Variants in PPP2R3A observed in about 807,000 individuals in gnomAD.
PPP2R3A encodes protein phosphatase 2 regulatory subunit B''alpha.
Under a neutral mutation model 106.9 loss-of-function variants are expected in PPP2R3A, and 80 were observed. The ratio of observed to expected loss-of-function variants is 0.75; its 90% CI spans 0.62 to 0.90. The LOEUF is 0.90. Ranked by LOEUF, PPP2R3A falls within the 40% of genes least tolerant of loss-of-function variation. The probability of loss-of-function intolerance (pLI) is 0.00; values close to 1 mark genes in which losing one functional copy is unlikely to be tolerated. For missense variants in PPP2R3A, 1,386 were observed against 1,350.4 expected (o/e 1.03, Z -0.41); for synonymous variants, 483 against 468.3 (o/e 1.03, Z -0.41).
intron 8 of PPP2R3A, among the ~76,000 whole-genome samples, chr3:136,086,365 C>G (rs1362018024): frequency 1.3e-5 from 2 of 152,004 alleles, no homozygotes; most frequent in East Asian, 3.9e-4. Context: ...GCCTGTAATC[C>G]TAGCTACTCG....
At chr3:136,119,623 G>A (rs933183310) in intron 13 of PPP2R3A, among the ~76,000 whole-genome samples, 33 of 152,116 alleles carry the variant, frequency 2.2e-4, no homozygotes, top group Non-Finnish European at 1.2e-4. Context: ...CATCATCACT[G>A]GTCATTAGAG....
At chr3:136,093,715 C>G (rs1214144188) in intron 10 of PPP2R3A, among the ~76,000 whole-genome samples, 1 of 152,152 alleles carries the variant, frequency 6.6e-6, no homozygotes, top group Non-Finnish European at 1.5e-5. Flanking sequence ...CCACTTCACA[C>G]TAGGATAGTT....
At chr3:136,031,976 T>C (rs2107831648) in intron 3 of PPP2R3A, among the ~76,000 whole-genome samples, 1 of 152,368 alleles carries the variant, frequency 6.6e-6, no homozygotes, top group East Asian at 1.9e-4. Flanking sequence ...AGTCTTGCGT[T>C]GGCCATGCGG....
At chr3:135,967,376 G>C (rs1242365598) in intron 1 of PPP2R3A, among the ~76,000 whole-genome samples, 1 of 152,168 alleles carries the variant, frequency 6.6e-6, no homozygotes, top group African/African-American at 2.4e-5. Context: ...AGATTTATTT[G>C]TACTCATAAG....
At chr3:136,067,079 T>C (rs1210774010) in intron 5 of PPP2R3A, among the ~76,000 whole-genome samples, 1 of 152,188 alleles carries the variant, frequency 6.6e-6, no homozygotes, top group African/African-American at 2.4e-5. Context: ...CATTTTACTG[T>C]AGTAATTGTA....
At chr3:136,102,282 G>GACTCTGAA in intron 11 of PPP2R3A, 100 bp downstream of exon 11, 1 of 1,241,072 alleles carries the variant, frequency 8.1e-7, no homozygotes, top group Non-Finnish European at 1.1e-6. Flanking sequence ...TCAGAGTCTT[G>GACTCTGAA]ATAGAAGACT....
At chr3:136,049,102 A>T (rs1253750380) in intron 4 of PPP2R3A, among the ~76,000 whole-genome samples, 157 bp from the exon 5 acceptor site, 1 of 152,196 alleles carries the variant, frequency 6.6e-6, no homozygotes, top group Non-Finnish European at 1.5e-5. Context: ...CCTTATAGAC[A>T]GCTCATCATT....
At chr3:136,092,344 ATATT>A (rs1173035508) in intron 10 of PPP2R3A, among the ~76,000 whole-genome samples, 2 of 152,146 alleles carry the variant, frequency 1.3e-5, no homozygotes, top group Non-Finnish European at 2.9e-5. Flanking sequence ...AAAAATATAT[ATATT>A]AAAGATCTAA....
intron 13 of PPP2R3A, among the ~76,000 whole-genome samples, chr3:136,144,616 G>C (rs998401461): frequency 3.3e-5 from 5 of 151,486 alleles, no homozygotes; most frequent in African/African-American, 1.2e-4. Flanking sequence ...AGCCAAGATC[G>C]TGCCACTTCA....
At chr3:136,115,034 C>T (rs1185692045) in intron 13 of PPP2R3A, among the ~76,000 whole-genome samples, 4 of 152,164 alleles carry the variant, frequency 2.6e-5, no homozygotes, top group East Asian at 1.9e-4. Context: ...TGGCATCTGG[C>T]GGGTGTCCAT....
chr3:136,012,922 G>A (rs903199045), intron 2 of PPP2R3A, among the ~76,000 whole-genome samples: 1 of 152,126 alleles, frequency 6.6e-6, no homozygotes, highest in Non-Finnish European at 1.5e-5. Flanking sequence ...TGTGCCTAAT[G>A]TATAGTCTTT....
chr3:135,971,837 T>C (rs1468415078), intron 1 of PPP2R3A, among the ~76,000 whole-genome samples: 1 of 152,154 alleles, frequency 6.6e-6, no homozygotes, highest in Admixed American at 6.6e-5. Context: ...TGGCAGTATA[T>C]AGAGGCAAAA....
At chr3:136,093,822 A>G (rs79722040) in intron 10 of PPP2R3A, among the ~76,000 whole-genome samples, 7,333 of 152,304 alleles carry the variant, frequency 0.048, 566 homozygotes, top group African/African-American at 0.16. Context: ...CAGCCGTTAC[A>G]GAAAAGTCTG....
intron 3 of PPP2R3A, among the ~76,000 whole-genome samples, chr3:136,030,949 T>A (rs1277104360): frequency 6.6e-6 from 1 of 152,030 alleles, no homozygotes; most frequent in South Asian, 2.1e-4. Flanking sequence ...AAGTATCTTT[T>A]TTTACAGTGA....
At position 136,001,714 on chromosome 3, in the gene PPP2R3A, T is replaced by A; in HGVS notation, c.216T>A (p.Phe72Leu). 6.2e-7 allele frequency: 1 copy of A among 1,614,152 alleles called. No individual in the cohort carries two copies. The highest frequency in any genetic ancestry group is 8.5e-7 in the Non-Finnish European group (1 of 1,180,006). ...QFKDADLNSM[F>L]LPHENGLSSA... is the part of the protein sequence containing the mutation. The stretch of plus-strand genomic sequence containing the variant: ...AAGATGCAGATCTGAACTCTATGTT[T>A]CTACCCCATGAAAATGGGCTTTCTT... The change falls in exon 2 of 14, where the codon TTT becomes TTA. Residue 72 changes from phenylalanine (F) to leucine (L), a missense_variant. Coordinates refer to ENST00000264977, the MANE Select transcript of PPP2R3A (RefSeq NM_002718.5).
chr3:136,079,115 TACTC>T (rs1050871646), intron 7 of PPP2R3A: 11 of 445,070 alleles, frequency 2.5e-5, no homozygotes, highest in African/African-American at 4.0e-5. Context: ...CAACCTTACT[TACTC>T]TTTATTTTTT....
chr3:135,998,329 C>T (rs1287330657), intron 1 of PPP2R3A, among the ~76,000 whole-genome samples: 5 of 152,192 alleles, frequency 3.3e-5, no homozygotes, highest in African/African-American at 7.2e-5. Flanking sequence ...TTCAGATGCT[C>T]CCTCTCAAAA....
intron 11 of PPP2R3A, 144 bp from the exon 12 acceptor site, chr3:136,103,113 AG>A: frequency 1.9e-6 from 1 of 515,976 alleles, no homozygotes; most frequent in Non-Finnish European, 3.4e-6. Flanking sequence ...CCTTGAAAAA[AG>A]AAATGAGATT....
At chr3:135,991,918 C>T (rs1464266951) in intron 1 of PPP2R3A, among the ~76,000 whole-genome samples, 2 of 152,178 alleles carry the variant, frequency 1.3e-5, no homozygotes, top group Non-Finnish European at 2.9e-5. Context: ...TTATATTACC[C>T]TTAGCCTCAT....
Sources: allele counts gnomAD v4.1 joint callset (sites outside exome capture counted in the v4.1 genomes callset), GRCh38; gene constraint gnomAD v4.1.1; transcripts MANE v1.5; gene names NCBI Gene and HGNC (gene_info 2026-07-23, HGNC 2026-07-21).